The following TTC6 variants were observed in gnomAD, a reference collection of about 807,000 sequenced individuals.
TTC6 encodes tetratricopeptide repeat domain 6.
Under a neutral mutation model 210.4 loss-of-function variants are expected in TTC6, and 172 were observed. The observed-to-expected ratio is 0.82, with a 90% CI of 0.72 to 0.93. The LOEUF (loss-of-function observed/expected upper bound fraction) is 0.93. Ranked by LOEUF, TTC6 falls within the 40% of genes least tolerant of loss-of-function variation. The pLI is 0.00. For synonymous variants in TTC6, 804 were observed against 819.6 expected, an observed-to-expected ratio of 0.98 and a Z score of 0.32; for missense variants, 2,414 against 2,318.1, an observed-to-expected ratio of 1.04 and a Z score of -0.85.
rs1051896177 is a variant in TTC6 at position 37,669,842 on chromosome 14, G to A, written c.940-10309G>A. Among the ~76,000 whole-genome samples, 3 of 152,044 alleles carry A rather than the reference G, an allele frequency of 2.0e-5. No individual in the cohort carries two copies. In the South Asian group the frequency reaches 6.2e-4, roughly 32 times the overall value. ...AAACAAAAATATGCTTACTCTTGAGGCTCTGAATTTTATTATTGAAGTATT... is the reference window on the plus strand; with the variant it reads ...AAACAAAAATATGCTTACTCTTGAGACTCTGAATTTTATTATTGAAGTATT... On this transcript the variant is annotated intron_variant, in intron 1 of 30. Coordinates refer to ENST00000553443, the Ensembl canonical transcript of TTC6.
intron 21 of TTC6, 148 bp from the exon 24 acceptor site, chr14:37,806,213 A>G (rs1464403199): frequency 2.6e-6 from 2 of 776,102 alleles, no homozygotes; most frequent in African/African-American, 1.7e-5. Context: ...TGTTTGTTCC[A>G]TGAGGTCCAT....
chr14:37,668,836 TA>T (rs2095753127), intron 1 of TTC6, among the ~76,000 whole-genome samples: 1 of 152,202 alleles, frequency 6.6e-6, no homozygotes, highest in South Asian at 2.1e-4. Context: ...AAAGGGATGA[TA>T]AGGATTCATT....
intron 7 of TTC6, among the ~76,000 whole-genome samples, chr14:37,728,243 T>C (rs984071859): frequency 6.6e-6 from 1 of 152,164 alleles, no homozygotes; most frequent in African/African-American, 2.4e-5. Flanking sequence ...CATAAAGACT[T>C]TAATTAAATA....
chr14:37,790,846 T>A lies in TTC6; in HGVS notation c.3557+9T>A. 1 of 1,516,896 alleles carries A rather than the reference T, an allele frequency of 6.6e-7. No homozygotes were observed. The highest frequency in any genetic ancestry group is 1.3e-5 in the South Asian group (1 of 79,388). The allele number at this position is 1,516,896 out of a possible 1,614,324, so 94.0% of individuals were successfully genotyped here. ...GTCATTTCTCTAGAAAGGTATGTTT[T>A]CCTTTTCATATTTATTGATTTCAGT... On this transcript the variant is annotated intron_variant, in intron 16 of 30. Coordinates refer to ENST00000553443, the Ensembl canonical transcript of TTC6.
At chr14:37,814,600 T>C (rs755284059) in intron 25 of TTC6, among the ~76,000 whole-genome samples, 3 of 152,130 alleles carry the variant, frequency 2.0e-5, no homozygotes, top group Admixed American at 6.6e-5. Flanking sequence ...TAATGTCCGA[T>C]TGGAATTTTG....
intron 22 of TTC6, 94 bp from the exon 25 acceptor site, chr14:37,807,226 A>T: frequency 8.8e-7 from 1 of 1,135,024 alleles, no homozygotes; most frequent in East Asian, 2.8e-5. Flanking sequence ...CCTTTTTGGG[A>T]GGCATAGATT....
At chr14:37,763,009 G>A (rs7144868) in intron 14 of TTC6, among the ~76,000 whole-genome samples, 2 of 150,580 alleles carry the variant, frequency 1.3e-5, no homozygotes, top group Non-Finnish European at 1.5e-5. Flanking sequence ...CTCAGCCTCC[G>A]GAGTAGCTGG....
chr14:37,805,733 G>T (rs1364333620), intron 21 of TTC6, among the ~76,000 whole-genome samples: 1 of 151,882 alleles, frequency 6.6e-6, no homozygotes, highest in Non-Finnish European at 1.5e-5. Flanking sequence ...ATGGAGTTTC[G>T]CTCTGTCGCC....
At chr14:37,616,481 TA>T (rs11332383) in intron 2 of TTC6, among the ~76,000 whole-genome samples, 1,685 of 152,168 alleles carry the variant, frequency 0.011, 25 homozygotes, top group African/African-American at 0.038. Context: ...CTTAGGTCAA[TA>T]AAAAAAATTT....
chr14:37,739,227 C>G (rs2095910708), intron 10 of TTC6, 72 bp downstream of exon 12: 1 of 1,325,920 alleles, frequency 7.5e-7, no homozygotes, highest in South Asian at 1.6e-5. Context: ...ATAATCTCAC[C>G]CCATGAAGTT....
At chr14:37,634,577 T>G (rs1174959184) in intron 1 of TTC6, among the ~76,000 whole-genome samples, 1 of 152,086 alleles carries the variant, frequency 6.6e-6, no homozygotes, top group Non-Finnish European at 1.5e-5. Flanking sequence ...AAAGAAATAA[T>G]GGCTAGAAAC....
intron 24 of TTC6, among the ~76,000 whole-genome samples, chr14:37,811,050 G>T (rs1281612712): frequency 6.6e-6 from 1 of 152,152 alleles, no homozygotes; most frequent in Non-Finnish European, 1.5e-5. Flanking sequence ...CAGAGGCATG[G>T]CACAAATCCA....
chr14:37,687,041 C>A (rs983233908), intron 3 of TTC6, among the ~76,000 whole-genome samples: 1 of 152,116 alleles, frequency 6.6e-6, no homozygotes, highest in African/African-American at 2.4e-5. Context: ...GGACACAGAA[C>A]CTGACTGTAA....
chr14:37,806,454 G>A, exon 22 of TTC6: 4 of 1,535,342 alleles, frequency 2.6e-6, no homozygotes, highest in Non-Finnish European at 3.5e-6. Context: ...ACTCCACAAG[G>A]ATAGCTCGAT....
At chr14:37,617,087 G>A (rs575768496), upstream of TTC6, among the ~76,000 whole-genome samples, 23 of 151,990 alleles carry the variant, frequency 1.5e-4, no homozygotes, top group South Asian at 8.3e-4. Flanking sequence ...TGTTGCCTTC[G>A]TTGGTCTTGA....
chr14:37,732,979 G>A (rs2095891961), intron 7 of TTC6, among the ~76,000 whole-genome samples: 1 of 152,118 alleles, frequency 6.6e-6, no homozygotes, highest in Admixed American at 6.6e-5. Context: ...TTACAGGGGT[G>A]GCAGAGGTGG....
chr14:37,826,339 G>A, exon 28 of TTC6: 3 of 1,597,400 alleles, frequency 1.9e-6, no homozygotes, highest in Non-Finnish European at 2.6e-6. Context: ...TATTAATGCT[G>A]CCATGAAGGT....
chr14:37,660,129 G>A (rs778202315), intron 1 of TTC6, among the ~76,000 whole-genome samples: 6 of 151,090 alleles, frequency 4.0e-5, no homozygotes, highest in Non-Finnish European at 7.4e-5. Flanking sequence ...GTCAATTTTT[G>A]TTTTGGCTGC....
intron 1 of TTC6, 134 bp from the exon 4 acceptor site, chr14:37,680,017 C>T: frequency 1.8e-6 from 1 of 563,540 alleles, no homozygotes. Context: ...ATTCATTTAC[C>T]ATGTGTTATT....
Sources: gnomAD v4.1 joint callset for allele counts (sites outside exome capture counted in the v4.1 genomes callset) on GRCh38, gnomAD v4.1.1 for gene constraint, MANE v1.5 for transcripts, NCBI Gene and HGNC (gene_info 2026-07-23, HGNC 2026-07-21) for gene names.